Variants in LTBP1 observed in about 807,000 individuals in gnomAD.
LTBP1 encodes latent-transforming growth factor beta-binding protein 1.
LTBP1 carries 129 observed loss-of-function variants against 207.6 expected under a neutral mutation model. That is an observed-to-expected ratio of 0.62 (90% CI 0.54 to 0.72). LTBP1 has a LOEUF of 0.72. Ranked by LOEUF, LTBP1 falls within the 30% of genes least tolerant of loss-of-function variation. The probability of loss-of-function intolerance (pLI) is 0.00; values close to 1 mark genes in which losing one functional copy is unlikely to be tolerated. For missense variants in LTBP1, 2,281 were observed against 2,217.2 expected (o/e 1.03, Z -0.58); for synonymous variants, 963 against 833.7 (o/e 1.16, Z -2.67).
rs189442673 is a variant in LTBP1 at position 32,962,999 on chromosome 2, C to T, written c.565+14054C>T. 3.2e-3 allele frequency among the ~76,000 whole-genome samples: 494 copies of T among 152,354 alleles called. 1 individual carries two copies. Among genetic ancestry groups the T allele is most frequent in the Non-Finnish European group, 5.7e-3 (385 of 68,036 alleles). On this transcript the variant is annotated intron_variant, in intron 2 of 33. Transcript: ENST00000404816. The stretch of plus-strand genomic sequence containing the variant: ...ACATCCCCCCACCCTACTGTGATCA[C>T]TTGTGGTGTGATGAGGGGGACAGGG...
At chr2:32,955,630 A>G (rs372257816) in intron 2 of LTBP1, among the ~76,000 whole-genome samples, 1 of 151,668 alleles carries the variant, frequency 6.6e-6, no homozygotes, top group Non-Finnish European at 1.5e-5. Context: ...TTTTCCACAA[A>G]TTTTTTTTAA....
At chr2:32,972,189 CTTTTT>C (rs140982175) in intron 2 of LTBP1, among the ~76,000 whole-genome samples, 1 of 144,460 alleles carries the variant, frequency 6.9e-6, no homozygotes, top group East Asian at 2.0e-4. Flanking sequence ...TGGATCTTCT[CTTTTT>C]TTTTCTTAGT....
Position 33,309,478 on chromosome 2 carries a change from G to A in LTBP1, c.3526G>A (p.Asp1176Asn), listed in dbSNP as rs1264006568. The change falls in exon 23 of 34, where the codon GAC becomes AAC. Residue 1176 changes from aspartate to asparagine, a missense_variant. Coordinates refer to ENST00000404816, the MANE Select transcript of LTBP1 (RefSeq NM_206943.4). ...GGACAAGAGTGTTTGCCAGAGAGGAGACTGCATTAATACTGCAGGGTCCTA... is the reference window on the plus strand; with the variant it reads ...GGACAAGAGTGTTTGCCAGAGAGGAAACTGCATTAATACTGCAGGGTCCTA... The part of the protein sequence containing the change: ...LEDKSVCQRG[D>N]CINTAGSYDC... 3 of 1,608,848 alleles carry A rather than the reference G, an allele frequency of 1.9e-6. No individual in the cohort carries two copies. In the Admixed American group the frequency reaches 5.1e-5, roughly 27 times the overall value.
At chr2:33,135,333 G>A (rs571499099) in intron 5 of LTBP1, among the ~76,000 whole-genome samples, 4 of 152,252 alleles carry the variant, frequency 2.6e-5, no homozygotes, top group African/African-American at 9.6e-5. Flanking sequence ...TCTTAGATTT[G>A]ACTCATGTAA....
At chr2:33,373,163 T>C (rs562616890) in intron 31 of LTBP1, among the ~76,000 whole-genome samples, 1 of 152,188 alleles carries the variant, frequency 6.6e-6, no homozygotes, top group Non-Finnish European at 1.5e-5. Flanking sequence ...GGCGATGTAA[T>C]GTACTACAGC....
intron 2 of LTBP1, among the ~76,000 whole-genome samples, chr2:33,005,785 C>A (rs190486584): frequency 2.0e-5 from 3 of 152,112 alleles, no homozygotes; most frequent in Admixed American, 1.3e-4. Context: ...TGGAGTTTCA[C>A]CATGTTGGGT....
At chr2:32,949,935 T>A (rs1308413330) in intron 2 of LTBP1, among the ~76,000 whole-genome samples, 2 of 152,224 alleles carry the variant, frequency 1.3e-5, no homozygotes, top group Non-Finnish European at 2.9e-5. Flanking sequence ...CCACAGGTTT[T>A]ATGATGTGTT....
chr2:33,192,833 C>A (rs1190448825), intron 7 of LTBP1, among the ~76,000 whole-genome samples: 1 of 152,076 alleles, frequency 6.6e-6, no homozygotes, highest in African/African-American at 2.4e-5. Flanking sequence ...TACTAAGTCA[C>A]CCCATAGCAG....
At chr2:33,148,138 T>C (rs1008721735) in intron 5 of LTBP1, among the ~76,000 whole-genome samples, 3 of 152,214 alleles carry the variant, frequency 2.0e-5, no homozygotes, top group Non-Finnish European at 4.4e-5. Context: ...AGGACAGATA[T>C]TTCGTTGTCT....
rs145689680 is a variant in LTBP1, at chr2:33,265,692, G to A, written c.2617+2300G>A. Among the ~76,000 whole-genome samples the A allele has an allele frequency of 4.9e-3, 737 of 151,754 alleles. 6 individuals carry two copies. Among genetic ancestry groups the A allele is most frequent in the Middle Eastern group, 0.02 (6 of 294 alleles). On this transcript the variant is annotated intron_variant, in intron 15 of 33. Coordinates refer to ENST00000404816, the MANE Select transcript of LTBP1 (RefSeq NM_206943.4). ...AGAAAATACACTAGATATTAGCAGT[G>A]GTTTTTTTTTAGTGGCATCTGAGAG...
At chr2:33,228,096 C>T (rs539732061) in intron 9 of LTBP1, among the ~76,000 whole-genome samples, 12 of 152,132 alleles carry the variant, frequency 7.9e-5, no homozygotes, top group East Asian at 7.7e-4. Flanking sequence ...TGAGCCACCA[C>T]GCCCGGCCAA....
intron 9 of LTBP1, among the ~76,000 whole-genome samples, chr2:33,231,567 A>C (rs2091791379): frequency 6.6e-6 from 1 of 152,206 alleles, no homozygotes. Context: ...TTACCAAAAA[A>C]ATACTGAGTG....
intron 2 of LTBP1, among the ~76,000 whole-genome samples, chr2:33,003,740 C>CT (rs1363958460): frequency 6.6e-6 from 1 of 152,192 alleles, no homozygotes; most frequent in Non-Finnish European, 1.5e-5. Flanking sequence ...CAGAATGTCA[C>CT]TTGTGTCAAA....
intron 22 of LTBP1, among the ~76,000 whole-genome samples, chr2:33,305,189 C>T (rs143824112): frequency 0.02 from 3,044 of 151,974 alleles, 42 homozygotes; most frequent in Middle Eastern, 0.11. Context: ...CTGGGTGTGG[C>T]GGCGTGTGCC....
chr2:33,343,125 G>A (rs977475845), intron 25 of LTBP1, among the ~76,000 whole-genome samples, 162 bp downstream of exon 25: 4 of 152,092 alleles, frequency 2.6e-5, no homozygotes, highest in Admixed American at 2.6e-4. Context: ...TATGTTGGCT[G>A]GGTGCATGGC....
At chr2:33,057,314 C>T (rs1197498914) in intron 3 of LTBP1, among the ~76,000 whole-genome samples, 3 of 152,202 alleles carry the variant, frequency 2.0e-5, no homozygotes, top group African/African-American at 7.2e-5. Flanking sequence ...CCTTACTAGA[C>T]ATAAAGGTTC....
intron 23 of LTBP1, among the ~76,000 whole-genome samples, chr2:33,312,663 C>A (rs1028352775): frequency 3.3e-5 from 5 of 151,396 alleles, no homozygotes; most frequent in African/African-American, 1.2e-4. Flanking sequence ...TCATGTTGTT[C>A]TTTCTTAGCA....
At chr2:33,243,314 G>A (rs1265783049) in intron 9 of LTBP1, among the ~76,000 whole-genome samples, 1 of 152,180 alleles carries the variant, frequency 6.6e-6, no homozygotes, top group Non-Finnish European at 1.5e-5. Context: ...TAGTTAGACT[G>A]TCAGTGCTTC....
chr2:33,340,156 A>G (rs7558136), intron 24 of LTBP1, among the ~76,000 whole-genome samples: 90,825 of 151,286 alleles, frequency 0.6, 28,479 homozygotes, highest in African/African-American at 0.78. Flanking sequence ...TACTCAGGAG[A>G]CTGAGGCAGG....
Sources: allele counts gnomAD v4.1 joint callset (sites outside exome capture counted in the v4.1 genomes callset), GRCh38; gene constraint gnomAD v4.1.1; transcripts MANE v1.5; gene names NCBI Gene and HGNC (gene_info 2026-07-23, HGNC 2026-07-21).